PHACTR3: variants seen among roughly 807,000 people sequenced by gnomAD.
PHACTR3 encodes phosphatase and actin regulator 3.
A neutral mutation model predicts 66.8 loss-of-function variants in PHACTR3; 16 were observed. The ratio of observed to expected loss-of-function variants is 0.24; its 90% CI spans 0.16 to 0.36. The LOEUF (loss-of-function observed/expected upper bound fraction) is 0.36, where lower values mean the gene tolerates loss of function less well. Among genes scored for constraint, PHACTR3 ranks in the 10% least tolerant of loss-of-function variants. The pLI, the probability that PHACTR3 is intolerant of heterozygous loss-of-function variation, is 1.00. For missense variants in PHACTR3, 647 were observed against 719.9 expected, an observed-to-expected ratio of 0.90 and a Z score of 1.16; for synonymous variants, 323 against 292.1, an observed-to-expected ratio of 1.11 and a Z score of -1.08.
chr20:59,736,537 C>T lies in PHACTR3; in HGVS notation c.119-6570C>T, dbSNP rs939038595. 3.3e-5 allele frequency among the ~76,000 whole-genome samples: 5 copies of T among 152,006 alleles called. No individual in the cohort carries two copies. Among genetic ancestry groups the T allele is most frequent in the African/African-American group, 9.7e-5 (4 of 41,422 alleles). On this transcript the variant is annotated intron_variant, in intron 1 of 12. Transcript: ENST00000371015. This position sits in a 1 kb window ranked among gnomAD's most constrained non-coding sequence, Gnocchi z 4.6. ...CTCCGCAGGTGCTCACCCGCCCACC[C>T]GTGTAGGTGCACACCCACCCATGCC...
chr20:59,712,514 G>A (rs376474877), intron 1 of PHACTR3, among the ~76,000 whole-genome samples: 13 of 152,114 alleles, frequency 8.5e-5, no homozygotes, highest in African/African-American at 2.4e-4. Context: ...GCACACTCTC[G>A]AGAGTTCCAG....
At chr20:59,614,607 G>C (rs1026535828) in intron 1 of PHACTR3, among the ~76,000 whole-genome samples, 1 of 152,164 alleles carries the variant, frequency 6.6e-6, no homozygotes, top group African/African-American at 2.4e-5. Context: ...GACCTAAGAA[G>C]TGTGTTTATT....
intron 1 of PHACTR3, among the ~76,000 whole-genome samples, chr20:59,614,030 C>T (rs1020393736): frequency 5.9e-5 from 9 of 152,156 alleles, no homozygotes; most frequent in African/African-American, 2.2e-4. Flanking sequence ...TGAGGTAGGG[C>T]CAGAAAGCTA....
chr20:59,779,460 T>C (rs1601336801), intron 7 of PHACTR3, among the ~76,000 whole-genome samples: 3 of 152,234 alleles, frequency 2.0e-5, no homozygotes, highest in Non-Finnish European at 4.4e-5. Context: ...CTCTCTGCAG[T>C]GTGTTGAGTT....
chr20:59,724,055 C>T (rs2038457784), intron 1 of PHACTR3, among the ~76,000 whole-genome samples: 1 of 152,148 alleles, frequency 6.6e-6, no homozygotes, highest in Non-Finnish European at 1.5e-5. Flanking sequence ...TTCACATGGT[C>T]ACACCTGACC....
Position 59,820,780 on chromosome 20 carries a change from T to G in PHACTR3, c.1328+14586T>G, listed in dbSNP as rs1670880176. ...TTTTGTAAGAAAATGCAAAACAACA[T>G]CAACCCCCATTCAGTGTCAATAAAA... On this transcript the variant is annotated intron_variant, in intron 8 of 12. Transcript: ENST00000371015. This position sits in a 1 kb window ranked among gnomAD's most constrained non-coding sequence, Gnocchi z 4.6. 6.6e-6 allele frequency among the ~76,000 whole-genome samples: 1 copy of G among 152,168 alleles called. No homozygotes were observed. The highest frequency in any genetic ancestry group is 2.4e-5 in the African/African-American group (1 of 41,422).
intron 8 of PHACTR3, among the ~76,000 whole-genome samples, chr20:59,823,587 T>G (rs1207236317): frequency 6.6e-6 from 1 of 152,232 alleles, no homozygotes; most frequent in African/African-American, 2.4e-5. Context: ...ACTTAAGTTA[T>G]TTTTGCTCTA....
intron 7 of PHACTR3, among the ~76,000 whole-genome samples, chr20:59,792,757 A>G (rs1467685414): frequency 4.6e-5 from 7 of 152,126 alleles, no homozygotes; most frequent in Admixed American, 2.6e-4. Context: ...AATTAGGTCA[A>G]TTGATTTTTA....
chr20:59,733,408 C>T (rs1302440725), intron 1 of PHACTR3, among the ~76,000 whole-genome samples: 1 of 152,176 alleles, frequency 6.6e-6, no homozygotes, highest in Non-Finnish European at 1.5e-5. Context: ...CTGTAGATGG[C>T]TGTCAAGCCA....
At chr20:59,584,820 C>G (rs571650872) in intron 1 of PHACTR3, among the ~76,000 whole-genome samples, 8 of 152,184 alleles carry the variant, frequency 5.3e-5, no homozygotes, top group African/African-American at 1.7e-4. Context: ...CCTCTCACCC[C>G]CTATTCCGGG....
At chr20:59,785,183 C>T (rs1741950723) in intron 7 of PHACTR3, among the ~76,000 whole-genome samples, 1 of 152,138 alleles carries the variant, frequency 6.6e-6, no homozygotes, top group South Asian at 2.1e-4. Context: ...ATTCTGGAGG[C>T]TGAAAGTCCA....
chr20:59,779,023 C>T (rs1168221033), intron 7 of PHACTR3, among the ~76,000 whole-genome samples: 2 of 152,212 alleles, frequency 1.3e-5, no homozygotes, highest in Non-Finnish European at 2.9e-5. Flanking sequence ...CTGGGTGAGG[C>T]CCCCTTTCCT....
At chr20:59,629,906 C>T (rs141831543) in intron 1 of PHACTR3, among the ~76,000 whole-genome samples, 11 of 152,254 alleles carry the variant, frequency 7.2e-5, no homozygotes, top group Non-Finnish European at 1.2e-4. Context: ...AAATGACACC[C>T]GTGGGTGTGG....
At chr20:59,784,085 C>T (rs1016186400) in intron 7 of PHACTR3, among the ~76,000 whole-genome samples, 3 of 152,066 alleles carry the variant, frequency 2.0e-5, no homozygotes, top group Non-Finnish European at 2.9e-5. Context: ...CACCTGCAGT[C>T]GGTGACTTTA....
intron 1 of PHACTR3, among the ~76,000 whole-genome samples, chr20:59,686,788 ATGATGG>A: frequency 7.1e-6 from 1 of 140,852 alleles, no homozygotes; most frequent in African/African-American, 2.7e-5. Flanking sequence ...GATGGTGATG[ATGATGG>A]TGGTGATGAT....
intron 1 of PHACTR3, among the ~76,000 whole-genome samples, chr20:59,705,861 C>G (rs1475651157): frequency 8.5e-5 from 13 of 152,192 alleles, no homozygotes; most frequent in Admixed American, 7.9e-4. Flanking sequence ...TGGTGGCCCC[C>G]TCATGCTTGG....
intron 11 of PHACTR3, among the ~76,000 whole-genome samples, chr20:59,843,180 G>A (rs543438092): frequency 5.7e-4 from 86 of 151,938 alleles, no homozygotes; most frequent in Non-Finnish European, 8.8e-4. Flanking sequence ...CCTCTACAAG[G>A]AAAACTACAA....
chr20:59,745,765 A>C (rs1239002965), intron 2 of PHACTR3, among the ~76,000 whole-genome samples: 7 of 152,240 alleles, frequency 4.6e-5, no homozygotes, highest in Non-Finnish European at 8.8e-5. Flanking sequence ...CTGCCCTGGC[A>C]GGTGGCTCAG....
At chr20:59,701,036 C>A (rs1228090487) in intron 1 of PHACTR3, among the ~76,000 whole-genome samples, 1 of 152,154 alleles carries the variant, frequency 6.6e-6, no homozygotes, top group Non-Finnish European at 1.5e-5. Flanking sequence ...ATGTGATCCT[C>A]CTGCCTCAGC....
Sources: gnomAD v4.1 joint callset for allele counts (sites outside exome capture counted in the v4.1 genomes callset) on GRCh38, gnomAD v4.1.1 for gene constraint, Gnocchi (gnomAD v3.1) non-coding constraint, MANE v1.5 for transcripts, NCBI Gene and HGNC (gene_info 2026-07-23, HGNC 2026-07-21) for gene names.